The following PACRG variants were observed in gnomAD, a reference collection of about 807,000 sequenced individuals.
PACRG encodes parkin coregulated.
In PACRG, 29 loss-of-function variants were observed where a neutral mutation model predicts 29.7. The ratio of observed to expected loss-of-function variants is 0.98; its 90% CI spans 0.73 to 1.33. The LOEUF (loss-of-function observed/expected upper bound fraction) is 1.33. PACRG is among the 40% of genes most tolerant of loss of function. The probability of loss-of-function intolerance (pLI) is 0.00; values close to 1 mark genes in which losing one functional copy is unlikely to be tolerated. For synonymous variants in PACRG, 116 were observed against 118.7 expected (o/e 0.98, Z 0.15); for missense variants, 279 against 316.2 (o/e 0.88, Z 0.89).
intron 4 of PACRG, among the ~76,000 whole-genome samples, chr6:163,173,388 T>C (rs560872278): frequency 6.6e-6 from 1 of 152,216 alleles, no homozygotes; most frequent in Non-Finnish European, 1.5e-5. Flanking sequence ...CAGTGGCTCC[T>C]TGGGGTAGAG....
chr6:162,727,798 G>A (rs1336796906), upstream of PACRG: 11 of 989,670 alleles, frequency 1.1e-5, no homozygotes, highest in Admixed American at 2.3e-5. Flanking sequence ...CCCGGCCCTA[G>A]GAATGCGCAC....
chr6:162,875,600 G>GT (rs1308579963), intron 2 of PACRG, among the ~76,000 whole-genome samples: 1 of 152,222 alleles, frequency 6.6e-6, no homozygotes, highest in East Asian at 1.9e-4. Flanking sequence ...TATTCTGTAA[G>GT]TTTTTGTTTC....
chr6:163,115,236 T>C lies in PACRG; in HGVS notation c.613+25828T>C, dbSNP rs1364138999. Among the ~76,000 whole-genome samples the C allele has an allele frequency of 2.0e-5, 3 of 152,088 alleles. No homozygotes were observed. In the East Asian group the frequency reaches 5.8e-4, roughly 29 times the overall value. ...GGCGATGTAGGCTGTGACCTTATTA[T>C]ACTGGGCTGGATTCTGTGGGGTGGG... On this transcript the variant is annotated intron_variant, in intron 4 of 4. Transcript: ENST00000366888.
At chr6:163,157,045 C>G (rs991718481) in intron 4 of PACRG, among the ~76,000 whole-genome samples, 210 of 152,284 alleles carry the variant, frequency 1.4e-3, no homozygotes, top group African/African-American at 4.7e-3. Flanking sequence ...AATTAGGTTA[C>G]GTTCATCTTG....
intron 2 of PACRG, among the ~76,000 whole-genome samples, chr6:163,031,914 T>C (rs1415918188): frequency 5.9e-5 from 9 of 152,230 alleles, no homozygotes; most frequent in Non-Finnish European, 1.2e-4. Context: ...CAGCTTTTAT[T>C]GGCTCTACAA....
At chr6:162,985,202 C>G (rs998782948) in intron 2 of PACRG, among the ~76,000 whole-genome samples, 10 of 151,974 alleles carry the variant, frequency 6.6e-5, no homozygotes, top group African/African-American at 2.2e-4. Flanking sequence ...TTCAGTCATT[C>G]TATGAAGCCA....
At chr6:162,844,436 G>A (rs959481308) in intron 2 of PACRG, among the ~76,000 whole-genome samples, 5 of 152,228 alleles carry the variant, frequency 3.3e-5, no homozygotes, top group Non-Finnish European at 7.3e-5. Flanking sequence ...GTGAGGCAAT[G>A]CCTCGCCCTG....
intron 2 of PACRG, among the ~76,000 whole-genome samples, chr6:162,917,740 G>C (rs1013411206): frequency 6.6e-6 from 1 of 152,000 alleles, no homozygotes; most frequent in African/African-American, 2.4e-5. Flanking sequence ...TTCATATCCT[G>C]TCCACCCACT....
At chr6:163,139,419 C>T (rs1392812783) in intron 4 of PACRG, among the ~76,000 whole-genome samples, 1 of 60,424 alleles carries the variant, frequency 1.7e-5, no homozygotes, top group Non-Finnish European at 3.1e-5. Flanking sequence ...GGAGTTAGGA[C>T]CTGACATCTT....
At chr6:163,209,259 G>T (rs1184718183) in intron 4 of PACRG, among the ~76,000 whole-genome samples, 2 of 152,212 alleles carry the variant, frequency 1.3e-5, no homozygotes, top group Admixed American at 6.5e-5. Context: ...ATAAAGAATA[G>T]TCAGTAGCCT....
intron 2 of PACRG, among the ~76,000 whole-genome samples, chr6:162,955,788 G>T (rs1799976758): frequency 6.6e-6 from 1 of 152,206 alleles, no homozygotes; most frequent in Non-Finnish European, 1.5e-5. Flanking sequence ...AAGGGCCCAG[G>T]TCTGGCACTG....
chr6:162,902,254 G>T (rs539895548), intron 2 of PACRG, among the ~76,000 whole-genome samples: 2 of 152,248 alleles, frequency 1.3e-5, no homozygotes, highest in Non-Finnish European at 2.9e-5. Flanking sequence ...TTATAGCTTT[G>T]CATTTACAAA....
In PACRG at chr6:162,841,366, A is replaced by G. The variant is rs1274831990; in HGVS notation, c.291+27085A>G. Among the ~76,000 whole-genome samples the G allele has an allele frequency of 4.6e-5, 7 of 150,758 alleles. No individual in the cohort carries two copies. In the South Asian group the frequency reaches 6.3e-4, roughly 14 times the overall value. On this transcript the variant is annotated intron_variant, in intron 2 of 4. Transcript: ENST00000366888. ...GGAATTTATCCATTTCTTCTAGATT[A>G]TCTAGTTTATTTGCATAGAGGTGTT...
chr6:162,801,789 G>C (rs1562611513), intron 1 of PACRG, among the ~76,000 whole-genome samples: 2 of 152,016 alleles, frequency 1.3e-5, no homozygotes, highest in Non-Finnish European at 2.9e-5. Flanking sequence ...TAAGATTGTA[G>C]TAATAATTAA....
rs1799277841 is a variant in PACRG, at chr6:162,947,611, C to CGT, written c.292-114539_292-114538insGT. On this transcript the variant is annotated intron_variant, in intron 2 of 4. Coordinates refer to ENST00000366888, the MANE Select transcript of PACRG (RefSeq NM_001080379.2). Reference sequence around the variant, plus strand: ...ATATATAATCATATATATATATAATCATATATATATATATATATATATATA... The same window carrying CGT: ...ATATATAATCATATATATATATAATCGTATATATATATATATATATATATATA... Among the ~76,000 whole-genome samples, 23 of 27,990 alleles carry CGT rather than the reference C, an allele frequency of 8.2e-4. 1 individual carries two copies. The East Asian group carries it at 0.012, about 14-fold the overall frequency. The allele number at this position is 27,990 out of a possible 152,430, so 18.4% of individuals were successfully genotyped here. A position where few individuals can be genotyped will look rare whatever the true frequency, so the allele number is the denominator to read the frequency against.
chr6:163,236,429 C>T (rs975624389), intron 4 of PACRG, among the ~76,000 whole-genome samples: 1 of 152,184 alleles, frequency 6.6e-6, no homozygotes, highest in Non-Finnish European at 1.5e-5. Flanking sequence ...ATCTCTTCTA[C>T]GTATTCCTAA....
At chr6:162,847,896 G>A (rs1426023345) in intron 2 of PACRG, among the ~76,000 whole-genome samples, 1 of 152,140 alleles carries the variant, frequency 6.6e-6, no homozygotes, top group Admixed American at 6.5e-5. Flanking sequence ...GAGAAGCCCT[G>A]AAAGGTTTTA....
At chr6:163,167,263 T>C (rs1292020034) in intron 4 of PACRG, among the ~76,000 whole-genome samples, 1 of 152,244 alleles carries the variant, frequency 6.6e-6, no homozygotes, top group Non-Finnish European at 1.5e-5. Flanking sequence ...ATAGAATTTT[T>C]ATTTCCTATA....
At chr6:162,952,980 T>TA (rs1554315249) in intron 2 of PACRG, among the ~76,000 whole-genome samples, 2 of 152,198 alleles carry the variant, frequency 1.3e-5, no homozygotes, top group Non-Finnish European at 2.9e-5. Flanking sequence ...TTCAAATATA[T>TA]AAAAAAATCT....
Sources: gnomAD v4.1 joint callset for allele counts (sites outside exome capture counted in the v4.1 genomes callset) on GRCh38, gnomAD v4.1.1 for gene constraint, MANE v1.5 for transcripts, NCBI Gene and HGNC (gene_info 2026-07-23, HGNC 2026-07-21) for gene names.